GAN: variants seen among roughly 807,000 people sequenced by gnomAD.
GAN encodes epididymis secretory sperm binding protein.
A neutral mutation model predicts 71.3 loss-of-function variants in GAN; 48 were observed. That is an observed-to-expected ratio of 0.67 (90% CI 0.53 to 0.86). The LOEUF is 0.86. GAN is among the 40% of genes least tolerant of loss of function. The probability of loss-of-function intolerance (pLI) is 0.00; values close to 1 mark genes in which losing one functional copy is unlikely to be tolerated. For synonymous variants in GAN, 386 were observed against 276.8 expected (o/e 1.39, Z -3.92); for missense variants, 928 against 770.1 (o/e 1.21, Z -2.43).
rs1843865235 is a variant in GAN at position 81,377,837 on chromosome 16, A to T, written c.*241A>T. 1 of 566,252 alleles carries T rather than the reference A, an allele frequency of 1.8e-6. No individual in the cohort carries two copies. Among genetic ancestry groups the T allele is most frequent in the Admixed American group, 3.0e-5 (1 of 32,924 alleles). 35.1% of individuals were successfully genotyped at this position (566,252 alleles called of 1,614,324 possible). A position where few individuals can be genotyped will look rare whatever the true frequency, so the allele number is the denominator to read the frequency against. On this transcript the variant is annotated 3_prime_UTR_variant, in exon 11 of 11. Transcript: ENST00000648994. Reference sequence around the variant, plus strand: ...AGTTAAATGTGGCTGTAGATGTTGGAGGCTAGGGAGGCTAGTAAATATCAA... The same window carrying T: ...AGTTAAATGTGGCTGTAGATGTTGGTGGCTAGGGAGGCTAGTAAATATCAA...
chr16:81,315,169 C>G lies in GAN; in HGVS notation c.56C>G (p.Ala19Gly). Residue 19 changes from alanine (A) to glycine (G), a missense_variant, in exon 1 of 11, where the codon GCG becomes GGG. Ala to Gly is a moderately conservative substitution (Grantham distance 60, BLOSUM62 0). Coordinates refer to ENST00000648994, the MANE Select transcript of GAN (RefSeq NM_022041.4). The part of the protein sequence containing the change: ...DPQHAARLLR[A>G]LSSFREESRF... ...CAGCACGCCGCGCGTCTGCTGCGAG[C>G]GCTCAGCTCTTTCCGCGAGGAGTCT... is the stretch of plus-strand genomic sequence containing the variant. 6.4e-7 allele frequency: 1 copy of G among 1,561,040 alleles called. No individual in the cohort carries two copies. The highest frequency in any genetic ancestry group is 8.6e-7 in the Non-Finnish European group (1 of 1,156,080).
chr16:81,377,644 C>A lies in GAN; in HGVS notation c.*48C>A. 1 of 1,524,220 alleles carries A rather than the reference C, an allele frequency of 6.6e-7. No homozygotes were observed. The allele number at this position is 1,524,220 out of a possible 1,614,324, so 94.4% of individuals were successfully genotyped here. On this transcript the variant is annotated 3_prime_UTR_variant, in exon 11 of 11. Transcript: ENST00000648994. ...AGATCCTGACCCAAGAGCACCATAA[C>A]ATAGCTCCGAAAGGGAGAGCAGAGA...
rs146658924 is a variant in GAN, at chr16:81,332,850, T to C, written c.167+17570T>C. On this transcript the variant is annotated intron_variant, in intron 1 of 10. Coordinates refer to ENST00000648994, the MANE Select transcript of GAN (RefSeq NM_022041.4). ...TGGCAAGAACCCCATGGAAGTGATA[T>C]CATGTCCTCTTCAGTGCATCATATC... is the stretch of plus-strand genomic sequence containing the variant. Among the ~76,000 whole-genome samples the C allele has an allele frequency of 6.6e-5, 10 of 152,326 alleles. No individual in the cohort carries two copies. The East Asian group carries it at 1.9e-3, about 29-fold the overall frequency.
At position 81,351,791 on chromosome 16, in the gene GAN, C is replaced by A. The variant is rs578225838; in HGVS notation, c.282+94C>A. On this transcript the variant is annotated intron_variant, in intron 2 of 10. Coordinates refer to ENST00000648994, the MANE Select transcript of GAN (RefSeq NM_022041.4). Reference sequence around the variant, plus strand: ...TCATCCATTATATGACAAAGTAGCACTGTCATCTTCATCTTCTGTCACTGT... The same window carrying A: ...TCATCCATTATATGACAAAGTAGCAATGTCATCTTCATCTTCTGTCACTGT... 416 of 764,160 alleles carry A rather than the reference C, an allele frequency of 5.4e-4. 2 individuals carry two copies. The African/African-American group carries it at 6.3e-3, about 11-fold the overall frequency. 47.3% of individuals were successfully genotyped at this position (764,160 alleles called of 1,614,324 possible).
intron 1 of GAN, among the ~76,000 whole-genome samples, chr16:81,347,274 G>T (rs1422895638): frequency 1.3e-5 from 2 of 152,198 alleles, no homozygotes; most frequent in African/African-American, 2.4e-5. Flanking sequence ...TGTACGGGCA[G>T]GAATAGTAGA....
intron 1 of GAN, among the ~76,000 whole-genome samples, chr16:81,315,506 C>T (rs941399343): frequency 6.6e-6 from 1 of 152,006 alleles, no homozygotes; most frequent in Non-Finnish European, 1.5e-5. Context: ...CCCACTGGAC[C>T]CCCGCGCCCC....
chr16:81,349,446 C>G (rs1910226945), intron 1 of GAN, among the ~76,000 whole-genome samples: 1 of 152,048 alleles, frequency 6.6e-6, no homozygotes, highest in Non-Finnish European at 1.5e-5. Context: ...GAGTTCGAAA[C>G]CAGCCCGGGC....
intron 5 of GAN, among the ~76,000 whole-genome samples, chr16:81,359,252 C>A (rs972450555): frequency 6.6e-6 from 1 of 152,122 alleles, no homozygotes; most frequent in Admixed American, 6.5e-5. Context: ...ACACGTCTGT[C>A]ACAAAGGCTC....
intron 1 of GAN, among the ~76,000 whole-genome samples, chr16:81,348,739 T>C (rs1022836624): frequency 2.0e-5 from 3 of 152,250 alleles, no homozygotes; most frequent in African/African-American, 7.2e-5. Context: ...GTTAGACTTG[T>C]TGAACACAGG....
chr16:81,376,635 TATGTGTGTATA>T (rs1453848768), intron 9 of GAN, among the ~76,000 whole-genome samples: 1 of 16,212 alleles, frequency 6.2e-5, no homozygotes, highest in African/African-American at 4.3e-4. Context: ...TACATACATA[TATGTGTGTATA>T]TATGTGTGTA....
chr16:81,336,121 G>A (rs1909752481), intron 1 of GAN, among the ~76,000 whole-genome samples: 2 of 152,190 alleles, frequency 1.3e-5, no homozygotes, highest in African/African-American at 4.8e-5. Context: ...GAGCACCTTG[G>A]TGTTAGCCTG....
chr16:81,330,822 C>G (rs920361586), intron 1 of GAN, among the ~76,000 whole-genome samples: 1 of 152,224 alleles, frequency 6.6e-6, no homozygotes, highest in African/African-American at 2.4e-5. Context: ...AGGTCAGCAT[C>G]ATTAGAACAA....
intron 1 of GAN, among the ~76,000 whole-genome samples, chr16:81,344,798 C>T (rs558568451): frequency 7.6e-4 from 116 of 152,220 alleles, no homozygotes; most frequent in African/African-American, 2.7e-3. Context: ...AAGAAACTAC[C>T]CTCAGAGTGA....
At chr16:81,351,433 T>C in intron 1 of GAN, 150 bp from the exon 2 acceptor site, 1 of 614,436 alleles carries the variant, frequency 1.6e-6, no homozygotes, top group Non-Finnish European at 2.9e-6. Flanking sequence ...GTTATAGAAA[T>C]ACATAGACCT....
intron 1 of GAN, among the ~76,000 whole-genome samples, chr16:81,325,803 C>T (rs964200601): frequency 1.3e-5 from 2 of 152,234 alleles, no homozygotes; most frequent in African/African-American, 4.8e-5. Context: ...AACAGTCTGT[C>T]TTAAATGTGT....
intron 5 of GAN, among the ~76,000 whole-genome samples, chr16:81,359,124 C>G (rs1323143428): frequency 6.6e-6 from 1 of 152,126 alleles, no homozygotes; most frequent in Non-Finnish European, 1.5e-5. Context: ...TAGTGAAGAG[C>G]TGGACAGAGT....
intron 9 of GAN, among the ~76,000 whole-genome samples, chr16:81,365,744 G>A (rs1910835438): frequency 6.6e-6 from 1 of 151,670 alleles, no homozygotes; most frequent in Non-Finnish European, 1.5e-5. Flanking sequence ...TAGCTTTTAG[G>A]AAAAAGTTTA....
Position 81,378,749 on chromosome 16 carries a change from T to C in GAN, c.*1153T>C, listed in dbSNP as rs1175058235. On this transcript the variant is annotated 3_prime_UTR_variant, in exon 11 of 11. Transcript: ENST00000648994. ...GGTAGAATAAACTACCTCAACTTAA[T>C]TTCATTCTGTTCATAGTAGAGCAAA... The C allele has an allele frequency of 1.3e-5, 2 of 152,652 alleles. No homozygotes were observed. Among genetic ancestry groups the C allele is most frequent in the Non-Finnish European group, 2.9e-5 (2 of 68,040 alleles). 9.5% of individuals were successfully genotyped at this position (152,652 alleles called of 1,614,324 possible).
At chr16:81,359,075 A>G (rs919423967) in intron 5 of GAN, among the ~76,000 whole-genome samples, 6 of 152,214 alleles carry the variant, frequency 3.9e-5, no homozygotes, top group African/African-American at 1.2e-4. Flanking sequence ...ATAGAAGTGG[A>G]GTCATTTTAT....
Sources: allele counts gnomAD v4.1 joint callset (sites outside exome capture counted in the v4.1 genomes callset), GRCh38; gene constraint gnomAD v4.1.1; transcripts MANE v1.5; gene names NCBI Gene and HGNC (gene_info 2026-07-23, HGNC 2026-07-21).